CNTN5: variants seen among roughly 807,000 people sequenced by gnomAD.
The protein encoded by CNTN5 is contactin-5.
In CNTN5, 77 loss-of-function variants were observed where a neutral mutation model predicts 129.1. The ratio of observed to expected loss-of-function variants is 0.60; its 90% confidence interval spans 0.50 to 0.72. The LOEUF is 0.72. CNTN5 is among the 30% of genes least tolerant of loss of function. The pLI is 0.00. For synonymous variants in CNTN5, 509 were observed against 465.6 expected, an observed-to-expected ratio of 1.09 and a Z score of -1.20; for missense variants, 1,478 against 1,328.8, an observed-to-expected ratio of 1.11 and a Z score of -1.75.
intron 9 of CNTN5, among the ~76,000 whole-genome samples, chr11:100,043,896 TA>T (rs779740396): frequency 1.3e-5 from 2 of 152,186 alleles, no homozygotes; most frequent in South Asian, 2.1e-4. Flanking sequence ...CTTTGTTTTT[TA>T]TTTTTATATA....
chr11:99,299,745 C>T (rs754166716), intron 1 of CNTN5, among the ~76,000 whole-genome samples: 6 of 152,078 alleles, frequency 3.9e-5, no homozygotes, highest in Non-Finnish European at 8.8e-5. Context: ...TTTATGGCTG[C>T]ATAGTATTCC....
intron 2 of CNTN5, among the ~76,000 whole-genome samples, chr11:99,498,947 A>T (rs2726372): frequency 0.98 from 149,683 of 152,258 alleles, 73,638 homozygotes; most frequent in East Asian, 1. Flanking sequence ...TTGTTTGGTA[A>T]AGCAAAATTC....
At chr11:100,283,882 A>T (rs957795005) in intron 18 of CNTN5, among the ~76,000 whole-genome samples, 1 of 152,070 alleles carries the variant, frequency 6.6e-6, no homozygotes, top group African/African-American at 2.4e-5. Context: ...GGAGGCAGAG[A>T]TTGCAGTGAG....
At chr11:99,842,869 C>A (rs1017057464) in intron 4 of CNTN5, among the ~76,000 whole-genome samples, 3 of 151,952 alleles carry the variant, frequency 2.0e-5, no homozygotes, top group African/African-American at 7.3e-5. Flanking sequence ...TAATTGACAG[C>A]AATATAATTT....
At chr11:100,261,463 G>A (rs1950195392) in intron 17 of CNTN5, among the ~76,000 whole-genome samples, 2 of 152,000 alleles carry the variant, frequency 1.3e-5, no homozygotes, top group Admixed American at 1.3e-4. Context: ...ATTTCATGTG[G>A]AACCAAAAAA....
intron 1 of CNTN5, among the ~76,000 whole-genome samples, chr11:99,140,307 C>G (rs73539869): frequency 0.018 from 2,794 of 152,008 alleles, 86 homozygotes; most frequent in African/African-American, 0.065. Flanking sequence ...ATTCATCACT[C>G]AGGTAGTGAG....
At chr11:99,564,107 G>A (rs1948930542) in intron 3 of CNTN5, among the ~76,000 whole-genome samples, 1 of 151,932 alleles carries the variant, frequency 6.6e-6, no homozygotes, top group Admixed American at 6.6e-5. Context: ...ATTTAGACAG[G>A]GTCTTGCTTT....
intron 2 of CNTN5, among the ~76,000 whole-genome samples, chr11:99,532,922 A>G (rs1161710264): frequency 6.6e-6 from 1 of 152,264 alleles, no homozygotes; most frequent in South Asian, 2.1e-4. Context: ...GATTGTTACA[A>G]TCCTTAAATA....
chr11:99,381,251 T>G (rs2136159843), intron 2 of CNTN5, among the ~76,000 whole-genome samples: 1 of 152,040 alleles, frequency 6.6e-6, no homozygotes, highest in Non-Finnish European at 1.5e-5. Flanking sequence ...GATCATTAGG[T>G]GAGGGAATGG....
In CNTN5 at chr11:100,215,137, A is replaced by G. The variant is rs532048013; in HGVS notation, c.1885-9555A>G. Among the ~76,000 whole-genome samples, 4 of 152,302 alleles carry G rather than the reference A, an allele frequency of 2.6e-5. No individual in the cohort carries two copies. In the East Asian group the frequency reaches 7.7e-4, roughly 29 times the overall value. ...AATGTCTGGCCTTCTCTCTTTATCT[A>G]TGTAATCTCCCACCTCACTAGCTTA... On this transcript the variant is annotated intron_variant, in intron 15 of 24. Coordinates refer to ENST00000524871, the MANE Select transcript of CNTN5 (RefSeq NM_014361.4).
At chr11:99,035,572 A>T (rs1222346250) in intron 1 of CNTN5, among the ~76,000 whole-genome samples, 2 of 146,604 alleles carry the variant, frequency 1.4e-5, no homozygotes, top group African/African-American at 5.1e-5. Context: ...AGTCTGTTTT[A>T]TCAGAGACTA....
intron 3 of CNTN5, among the ~76,000 whole-genome samples, chr11:99,655,088 C>T (rs1292612097): frequency 6.6e-6 from 1 of 151,992 alleles, no homozygotes; most frequent in Non-Finnish European, 1.5e-5. Context: ...ATGCAGATCC[C>T]ATTCCTCTGT....
chr11:100,019,361 T>G (rs1275864171), intron 9 of CNTN5, among the ~76,000 whole-genome samples: 1 of 151,954 alleles, frequency 6.6e-6, no homozygotes, highest in African/African-American at 2.4e-5. Context: ...TCAATGAATA[T>G]CAAACTTGGT....
intron 3 of CNTN5, among the ~76,000 whole-genome samples, chr11:99,803,835 G>T (rs1411539118): frequency 6.6e-6 from 1 of 152,200 alleles, no homozygotes; most frequent in Non-Finnish European, 1.5e-5. Flanking sequence ...TGAGATCTGA[G>T]TTGTCCTTCA....
chr11:99,730,047 C>T (rs1352127450), intron 3 of CNTN5, among the ~76,000 whole-genome samples: 50 of 152,042 alleles, frequency 3.3e-4, no homozygotes, highest in Admixed American at 3.2e-3. Context: ...CACATGTATC[C>T]CAGAAGTAAA....
chr11:99,619,183 A>C (rs985017924), intron 3 of CNTN5, among the ~76,000 whole-genome samples: 10 of 151,854 alleles, frequency 6.6e-5, no homozygotes, highest in African/African-American at 1.9e-4. Flanking sequence ...TTTTTTGTTA[A>C]AACAAAAAAA....
chr11:100,240,726 T>A (rs1242175733), intron 16 of CNTN5, among the ~76,000 whole-genome samples: 1 of 152,230 alleles, frequency 6.6e-6, no homozygotes. Context: ...AAATTTATAC[T>A]GCAGAAGAAG....
chr11:99,520,043 T>A (rs1459524623), intron 2 of CNTN5, among the ~76,000 whole-genome samples: 1 of 152,146 alleles, frequency 6.6e-6, no homozygotes, highest in Non-Finnish European at 1.5e-5. Context: ...ACCAGAATAT[T>A]TAAATGTTTT....
intron 1 of CNTN5, among the ~76,000 whole-genome samples, chr11:99,101,488 G>C (rs969527918): frequency 6.6e-6 from 1 of 152,186 alleles, no homozygotes; most frequent in African/African-American, 2.4e-5. Flanking sequence ...AAAATCAAAA[G>C]CAAGTTAGTT....
Sources: allele counts gnomAD v4.1 joint callset (sites outside exome capture counted in the v4.1 genomes callset), GRCh38; gene constraint gnomAD v4.1.1; transcripts MANE v1.5; gene names NCBI Gene and HGNC (gene_info 2026-07-23, HGNC 2026-07-21).